PTPRM: variants seen among roughly 807,000 people sequenced by gnomAD.
The protein encoded by PTPRM is protein tyrosine phosphatase receptor type M, also known as receptor-type tyrosine-protein phosphatase mu.
A neutral mutation model predicts 186.7 loss-of-function variants in PTPRM; 47 were observed. The observed-to-expected ratio is 0.25, with a 90% CI of 0.20 to 0.32. The LOEUF is 0.32. Among genes scored for constraint, PTPRM ranks in the 10% least tolerant of loss-of-function variants. PTPRM has a pLI of 1.00. For missense variants in PTPRM, 1,494 were observed against 1,865.0 expected, an observed-to-expected ratio of 0.80 and a Z score of 3.66; for synonymous variants, 668 against 674.9, an observed-to-expected ratio of 0.99 and a Z score of 0.16.
At chr18:8,308,387 A>G (rs1421443066) in intron 20 of PTPRM, among the ~76,000 whole-genome samples, 2 of 152,254 alleles carry the variant, frequency 1.3e-5, no homozygotes, top group African/African-American at 2.4e-5. Flanking sequence ...ATGGTCCAAT[A>G]GAAAGAAACT....
chr18:7,738,272 C>G (rs559164600), intron 1 of PTPRM, among the ~76,000 whole-genome samples: 2 of 152,150 alleles, frequency 1.3e-5, no homozygotes, highest in Admixed American at 6.5e-5. Context: ...ATCCATGCTT[C>G]GGGATTCAGT....
intron 13 of PTPRM, among the ~76,000 whole-genome samples, chr18:8,125,198 A>G (rs1600700653): frequency 8.9e-6 from 1 of 112,232 alleles, no homozygotes; most frequent in East Asian, 2.7e-4. Context: ...TGACAGAGTG[A>G]GACTCTGTCT....
chr18:7,760,394 G>T (rs1214125994), intron 1 of PTPRM, among the ~76,000 whole-genome samples: 1 of 151,940 alleles, frequency 6.6e-6, no homozygotes, highest in African/African-American at 2.4e-5. Flanking sequence ...TTTTTTTTGT[G>T]GCCTAGTCTT....
chr18:8,190,145 C>G (rs1165636820), intron 14 of PTPRM, among the ~76,000 whole-genome samples: 4 of 151,976 alleles, frequency 2.6e-5, no homozygotes, highest in Non-Finnish European at 5.9e-5. Context: ...TAAAATCTAC[C>G]CTCAGCAATT....
chr18:8,322,889 A>G (rs1274087433), intron 22 of PTPRM, among the ~76,000 whole-genome samples: 1 of 152,176 alleles, frequency 6.6e-6, no homozygotes, highest in East Asian at 1.9e-4. Context: ...GTGGGATCAT[A>G]GCTTACTGAA....
chr18:7,854,955 G>T (rs2145976095), intron 2 of PTPRM, among the ~76,000 whole-genome samples: 1 of 152,142 alleles, frequency 6.6e-6, no homozygotes, highest in East Asian at 1.9e-4. Flanking sequence ...TTGAAGGTTA[G>T]GTAGCATCTC....
chr18:7,973,469 A>G (rs1171226794), intron 7 of PTPRM, among the ~76,000 whole-genome samples: 1 of 152,112 alleles, frequency 6.6e-6, no homozygotes, highest in African/African-American at 2.4e-5. Flanking sequence ...TTTAATTCGC[A>G]TTTCCTCTTT....
chr18:7,693,915 T>C (rs2039787845), intron 1 of PTPRM, among the ~76,000 whole-genome samples: 1 of 152,034 alleles, frequency 6.6e-6, no homozygotes, highest in South Asian at 2.1e-4. Flanking sequence ...GACTGGCGTT[T>C]TCAAAAATGG....
chr18:7,650,884 A>G (rs1021969800), intron 1 of PTPRM, among the ~76,000 whole-genome samples: 7 of 152,156 alleles, frequency 4.6e-5, no homozygotes, highest in Admixed American at 3.3e-4. Context: ...CATAAACTCA[A>G]TGTAAAATGC....
At chr18:8,129,160 AT>A (rs1441717760) in intron 13 of PTPRM, among the ~76,000 whole-genome samples, 1 of 152,178 alleles carries the variant, frequency 6.6e-6, no homozygotes, top group African/African-American at 2.4e-5. Flanking sequence ...ACACTTGAAG[AT>A]TTTTGCATGA....
intron 1 of PTPRM, among the ~76,000 whole-genome samples, chr18:7,573,323 C>T (rs947781748): frequency 1.3e-5 from 2 of 152,142 alleles, no homozygotes; most frequent in Non-Finnish European, 2.9e-5. Flanking sequence ...CATCCTGCCT[C>T]AGTGACGTTA....
At chr18:7,802,507 G>A (rs2044023710) in intron 2 of PTPRM, among the ~76,000 whole-genome samples, 1 of 152,078 alleles carries the variant, frequency 6.6e-6, no homozygotes, top group South Asian at 2.1e-4. Context: ...GAGGACACCA[G>A]ATACTCGTTG....
chr18:7,783,971 TGCTAACCGGCACA>T lies in PTPRM; in HGVS notation c.196+9703_196+9715del, dbSNP rs548364326. On this transcript the variant is annotated intron_variant, in intron 2 of 32. Transcript: ENST00000580170. ...AGGGGTTTGGAGTGGGCCATCACTG[TGCTAACCGGCACA>T]GCCCACTGGCCAGTGGATGGTGACG... is the stretch of plus-strand genomic sequence containing the variant. Among the ~76,000 whole-genome samples, 559 of 152,018 alleles carry T rather than the reference TGCTAACCGGCACA, an allele frequency of 3.7e-3. 4 individuals are homozygous for T. Among genetic ancestry groups the T allele is most frequent in the Non-Finnish European group, 6.3e-3 (431 of 67,968 alleles).
At chr18:8,136,074 TGA>T (rs1466971060) in intron 13 of PTPRM, among the ~76,000 whole-genome samples, 3 of 152,336 alleles carry the variant, frequency 2.0e-5, no homozygotes, top group Non-Finnish European at 4.4e-5. Context: ...GAAGAAATTT[TGA>T]GAGACAGTAG....
At chr18:8,221,206 A>G (rs1443360198) in intron 14 of PTPRM, among the ~76,000 whole-genome samples, 1 of 152,224 alleles carries the variant, frequency 6.6e-6, no homozygotes. Flanking sequence ...TTATAACCCA[A>G]AGTTTACTCA....
At chr18:7,603,245 T>A (rs893900510) in intron 1 of PTPRM, among the ~76,000 whole-genome samples, 1 of 152,204 alleles carries the variant, frequency 6.6e-6, no homozygotes, top group African/African-American at 2.4e-5. Flanking sequence ...ATTTTAATAA[T>A]CTTTGGTCAT....
intron 19 of PTPRM, among the ~76,000 whole-genome samples, chr18:8,275,410 C>T (rs796870435): frequency 5.3e-5 from 8 of 152,274 alleles, no homozygotes; most frequent in African/African-American, 1.7e-4. Context: ...CACCACTACC[C>T]TCCAGCCTGG....
chr18:8,384,060 G>A (rs908264677), intron 29 of PTPRM, among the ~76,000 whole-genome samples: 1 of 152,218 alleles, frequency 6.6e-6, no homozygotes, highest in Non-Finnish European at 1.5e-5. Flanking sequence ...AAAAGGACAG[G>A]TGGAGTTGAG....
chr18:8,226,043 A>G (rs1031144852), intron 14 of PTPRM, among the ~76,000 whole-genome samples: 2 of 152,224 alleles, frequency 1.3e-5, no homozygotes, highest in Non-Finnish European at 2.9e-5. Flanking sequence ...AACCTCACAT[A>G]TAATCAAGTA....
Sources: gnomAD v4.1 joint callset for allele counts (sites outside exome capture counted in the v4.1 genomes callset) on GRCh38, gnomAD v4.1.1 for gene constraint, MANE v1.5 for transcripts, NCBI Gene and HGNC (gene_info 2026-07-23, HGNC 2026-07-21) for gene names.